TENM2: variants seen among roughly 807,000 people sequenced by gnomAD.
TENM2 encodes the protein teneurin transmembrane protein 2.
TENM2 carries 52 observed loss-of-function variants against 245.2 expected under a neutral mutation model. That is an observed-to-expected ratio of 0.21 (90% CI 0.17 to 0.27). TENM2 has a LOEUF of 0.27. Ranked by LOEUF, TENM2 falls within the 10% of genes least tolerant of loss-of-function variation. The pLI is 1.00. For missense variants in TENM2, 3,046 were observed against 3,666.8 expected (o/e 0.83, Z 4.37); for synonymous variants, 1,363 against 1,438.9 (o/e 0.95, Z 1.19).
rs186073645 is a variant in TENM2 at position 167,646,966 on chromosome 5, C to G, written c.503-229020C>G. On this transcript the variant is annotated intron_variant, in intron 2 of 28. Coordinates refer to ENST00000518659, the Ensembl canonical transcript of TENM2. ...GCAGCAATTGAAAAGCCATTAAATACCCGGATAGGTTTTGGAGATGTGGGA... is the reference window on the plus strand; with the variant it reads ...GCAGCAATTGAAAAGCCATTAAATAGCCGGATAGGTTTTGGAGATGTGGGA... Among the ~76,000 whole-genome samples the G allele has an allele frequency of 2.0e-5, 3 of 152,194 alleles. No homozygotes were observed. In the East Asian group the frequency reaches 5.8e-4, roughly 30 times the overall value.
chr5:167,971,202 C>G (rs1781750434), intron 4 of TENM2, among the ~76,000 whole-genome samples: 1 of 149,788 alleles, frequency 6.7e-6, no homozygotes, highest in African/African-American at 2.5e-5. Flanking sequence ...GAGATAGAGA[C>G]AGAGATAGAG....
At chr5:167,918,107 A>G (rs1777084344) in intron 3 of TENM2, among the ~76,000 whole-genome samples, 1 of 152,316 alleles carries the variant, frequency 6.6e-6, no homozygotes, top group African/African-American at 2.4e-5. Context: ...AGAAAAAAAC[A>G]CTGCCTGCTT....
intron 2 of TENM2, chr5:167,755,244 A>G (rs906909691): frequency 2.8e-5 from 38 of 1,346,546 alleles, no homozygotes; most frequent in Admixed American, 5.1e-5. Flanking sequence ...ACCTGTCCTC[A>G]CTGACAGGGT....
chr5:167,069,803 AT>A, the TENM2 span, among the ~76,000 whole-genome samples: 2 of 152,236 alleles, frequency 1.3e-5, no homozygotes, highest in African/African-American at 4.8e-5. Flanking sequence ...ATATTCAAAA[AT>A]AAGCTTGAAA....
chr5:167,673,699 A>T (rs1294787436), intron 2 of TENM2, among the ~76,000 whole-genome samples: 1 of 152,124 alleles, frequency 6.6e-6, no homozygotes, highest in Non-Finnish European at 1.5e-5. Flanking sequence ...TAGAGACCCC[A>T]ATTGAATCTA....
intron 2 of TENM2, among the ~76,000 whole-genome samples, chr5:167,434,840 C>A (rs962277104): frequency 6.6e-6 from 1 of 152,160 alleles, no homozygotes; most frequent in Non-Finnish European, 1.5e-5. Flanking sequence ...AAAATACACA[C>A]GTAGTTCAAA....
the TENM2 span, among the ~76,000 whole-genome samples, chr5:167,041,722 A>G: frequency 6.6e-6 from 1 of 152,160 alleles, no homozygotes; most frequent in African/African-American, 2.4e-5. Flanking sequence ...GAAGTACCAT[A>G]TTCTTTTCAG....
chr5:168,199,375 C>T (rs1263107976), intron 16 of TENM2, among the ~76,000 whole-genome samples: 1 of 152,246 alleles, frequency 6.6e-6, no homozygotes, highest in African/African-American at 2.4e-5. Context: ...TGCAACCCAC[C>T]TGCAAATTGC....
intron 2 of TENM2, among the ~76,000 whole-genome samples, chr5:167,764,781 G>A (rs1412580457): frequency 6.6e-6 from 1 of 152,058 alleles, no homozygotes; most frequent in Non-Finnish European, 1.5e-5. Flanking sequence ...CTTGCCCACG[G>A]GGAGCTCTCC....
intron 12 of TENM2, among the ~76,000 whole-genome samples, chr5:168,147,695 A>G (rs1461038240): frequency 6.6e-6 from 1 of 152,202 alleles, no homozygotes; most frequent in Non-Finnish European, 1.5e-5. Context: ...TATTCAGTAC[A>G]CATGGGGTGA....
At chr5:167,597,366 C>A (rs1776296644) in intron 2 of TENM2, among the ~76,000 whole-genome samples, 1 of 152,118 alleles carries the variant, frequency 6.6e-6, no homozygotes, top group Middle Eastern at 3.4e-3. Context: ...AGGGTTTCAC[C>A]ATGTTGGCCA....
the TENM2 span, among the ~76,000 whole-genome samples, chr5:167,074,743 GAACAGGGAGAATCTTCC>G: frequency 6.6e-6 from 1 of 152,188 alleles, no homozygotes; most frequent in Non-Finnish European, 1.5e-5. Flanking sequence ...TGCGCGGCCT[GAACAGGGAGAATCTTCC>G]ATTAGGGTGG....
At chr5:167,749,513 C>T (rs906848594) in intron 2 of TENM2, among the ~76,000 whole-genome samples, 1 of 151,964 alleles carries the variant, frequency 6.6e-6, no homozygotes, top group South Asian at 2.1e-4. Flanking sequence ...TGGTGGGCAC[C>T]TATAATCCCA....
intron 7 of TENM2, among the ~76,000 whole-genome samples, chr5:168,064,302 G>A (rs917312577): frequency 3.3e-5 from 5 of 152,186 alleles, no homozygotes; most frequent in Middle Eastern, 3.2e-3. Context: ...TGAGGTAACT[G>A]TGAGCATGAA....
At chr5:167,079,414 A>G in the TENM2 span, among the ~76,000 whole-genome samples, 1 of 150,868 alleles carries the variant, frequency 6.6e-6, no homozygotes, top group African/African-American at 2.4e-5. Context: ...CCCAGGTTCA[A>G]GAGATTCTCC....
intron 3 of TENM2, among the ~76,000 whole-genome samples, chr5:167,927,330 T>C (rs549939081): frequency 6.6e-6 from 1 of 152,308 alleles, no homozygotes; most frequent in South Asian, 2.1e-4. Flanking sequence ...AGCCTTCTTC[T>C]TGAATGTTAC....
chr5:168,235,229 A>C (rs779457796), intron 25 of TENM2, among the ~76,000 whole-genome samples: 1 of 152,222 alleles, frequency 6.6e-6, no homozygotes, highest in Admixed American at 6.5e-5. Context: ...TCTTGGCACT[A>C]CGCTAGGCAC....
intron 2 of TENM2, among the ~76,000 whole-genome samples, chr5:167,731,606 C>T (rs1760441895): frequency 6.7e-6 from 1 of 149,518 alleles, no homozygotes; most frequent in Non-Finnish European, 1.5e-5. Flanking sequence ...TGAAAATCTA[C>T]TATTTTGTTT....
At chr5:167,821,365 T>G (rs976755339) in intron 2 of TENM2, 1 of 152,200 alleles carries the variant, frequency 6.6e-6, no homozygotes, top group Non-Finnish European at 1.5e-5. Context: ...TCTGTTCAAA[T>G]CTGGGCTGTT....
Sources: gnomAD v4.1 joint callset for allele counts (sites outside exome capture counted in the v4.1 genomes callset) on GRCh38, gnomAD v4.1.1 for gene constraint, MANE v1.5 for transcripts, NCBI Gene and HGNC (gene_info 2026-07-23, HGNC 2026-07-21) for gene names.